CERS3: variants seen among roughly 807,000 people sequenced by gnomAD.
The protein encoded by CERS3 is LAG1 homolog, ceramide synthase 3.
CERS3 carries 33 observed loss-of-function variants against 50.3 expected under a neutral mutation model. That is an observed-to-expected ratio of 0.66 (90% CI 0.50 to 0.88). CERS3 has a LOEUF of 0.88. CERS3 is among the 40% of genes least tolerant of loss of function. The pLI is 0.00. For synonymous variants in CERS3, 176 were observed against 155.2 expected (o/e 1.13, Z -0.99); for missense variants, 470 against 460.3 (o/e 1.02, Z -0.19).
intron 4 of CERS3, 76 bp downstream of exon 4, chr15:100,490,741 C>G: frequency 1.2e-6 from 1 of 858,740 alleles, no homozygotes; most frequent in South Asian, 1.5e-5. Flanking sequence ...TTCTTGCACA[C>G]ACAAGGTAAG....
intron 11 of CERS3, among the ~76,000 whole-genome samples, chr15:100,415,750 C>T (rs1040974578): frequency 6.6e-6 from 1 of 151,720 alleles, no homozygotes; most frequent in Non-Finnish European, 1.5e-5. Context: ...TGAGAACACA[C>T]GGACATAGGG....
chr15:100,413,205 C>T (rs1190414068), intron 11 of CERS3, among the ~76,000 whole-genome samples: 1 of 152,090 alleles, frequency 6.6e-6, no homozygotes, highest in African/African-American at 2.4e-5. Flanking sequence ...AACAGCTTTA[C>T]ATTCACAGCT....
intron 3 of CERS3, among the ~76,000 whole-genome samples, chr15:100,500,026 A>G (rs2035951082): frequency 6.6e-6 from 1 of 152,244 alleles, no homozygotes; most frequent in South Asian, 2.1e-4. Context: ...ATAAACTCCT[A>G]TTCAAATATA....
At chr15:100,414,560 G>A (rs745324410) in intron 11 of CERS3, among the ~76,000 whole-genome samples, 9 of 152,056 alleles carry the variant, frequency 5.9e-5, no homozygotes, top group Non-Finnish European at 5.9e-5. Flanking sequence ...AAAACAGCAC[G>A]GTACTGGTAC....
intron 11 of CERS3, among the ~76,000 whole-genome samples, chr15:100,443,579 C>A (rs1020187908): frequency 6.7e-6 from 1 of 149,470 alleles, no homozygotes; most frequent in East Asian, 2.0e-4. Context: ...CCCTTCATCC[C>A]AGCCTCTTTT....
At chr15:100,426,823 T>C (rs1332606623) in intron 11 of CERS3, among the ~76,000 whole-genome samples, 1 of 152,180 alleles carries the variant, frequency 6.6e-6, no homozygotes, top group Non-Finnish European at 1.5e-5. Flanking sequence ...TCTCTGGCCT[T>C]CCATAATTTA....
chr15:100,500,351 G>C (rs1962713), intron 3 of CERS3: 84,068 of 152,034 alleles, frequency 0.55, 24,260 homozygotes, highest in Admixed American at 0.62. Flanking sequence ...AGAGAGGGTT[G>C]GATTCCTTCC....
At chr15:100,513,247 G>C in intron 2 of CERS3, among the ~76,000 whole-genome samples, 1 of 151,838 alleles carries the variant, frequency 6.6e-6, no homozygotes. Context: ...AAATGCTCCA[G>C]GCGGCTACTG....
intron 3 of CERS3, among the ~76,000 whole-genome samples, chr15:100,501,415 G>A (rs1024297538): frequency 4.6e-5 from 7 of 152,292 alleles, no homozygotes; most frequent in Admixed American, 2.0e-4. Flanking sequence ...TCTGTGGTCC[G>A]CAACCTCTCT....
At chr15:100,512,024 T>C (rs60699848) in intron 2 of CERS3, among the ~76,000 whole-genome samples, 18 of 72,500 alleles carry the variant, frequency 2.5e-4, no homozygotes, top group African/African-American at 6.9e-4. Context: ...GGAGCCTGGG[T>C]TTCCATTAAT....
Position 100,455,942 on chromosome 15 carries a change from T to C in CERS3, c.950A>G (p.Tyr317Cys), listed in dbSNP as rs1030897658. ...CATCTTCAAGATGTAATAACCCCAG[T>C]AAAGGTGAAGGACCTGCAAGATCAT... ...QLMILQVLHLYWGYYILKMLN... is the reference protein window; with the variant it reads ...QLMILQVLHLCWGYYILKMLN... The change falls in exon 11 of 12, where the codon TAC (tyrosine) becomes TGC (cysteine). Residue 317 changes from tyrosine (Y) to cysteine (C), a missense_variant. Coordinates refer to ENST00000679737, the MANE Select transcript of CERS3 (RefSeq NM_001378789.1). 1 of 1,613,274 alleles carries C rather than the reference T, an allele frequency of 6.2e-7. No individual in the cohort carries two copies. Among genetic ancestry groups the C allele is most frequent in the Middle Eastern group, 1.7e-4 (1 of 6,054 alleles).
intron 11 of CERS3, among the ~76,000 whole-genome samples, chr15:100,443,694 A>C (rs1219574895): frequency 7.1e-6 from 1 of 141,616 alleles, no homozygotes; most frequent in Non-Finnish European, 1.6e-5. Context: ...AGTCAAGCCC[A>C]AATTTCTTCC....
chr15:100,499,554 T>C (rs568444882), intron 3 of CERS3, among the ~76,000 whole-genome samples: 69 of 152,320 alleles, frequency 4.5e-4, no homozygotes, highest in African/African-American at 1.4e-3. Context: ...AGTTCTTGGC[T>C]AGTACTAAAG....
chr15:100,460,772 G>A (rs1320664024), intron 10 of CERS3, among the ~76,000 whole-genome samples: 3 of 152,148 alleles, frequency 2.0e-5, no homozygotes, highest in African/African-American at 7.2e-5. Flanking sequence ...ATTTGTCAGT[G>A]TTATTATTGA....
At chr15:100,423,203 A>G (rs1004989535) in intron 11 of CERS3, among the ~76,000 whole-genome samples, 1 of 152,182 alleles carries the variant, frequency 6.6e-6, no homozygotes, top group African/African-American at 2.4e-5. Flanking sequence ...TGTGGAAAGC[A>G]TTTTGGAGAT....
chr15:100,434,730 G>T (rs905519483), intron 11 of CERS3, among the ~76,000 whole-genome samples: 2 of 152,096 alleles, frequency 1.3e-5, no homozygotes, highest in African/African-American at 4.8e-5. Flanking sequence ...CTCATATCCT[G>T]CTGTGAATGT....
At chr15:100,423,329 C>T (rs1220977242) in intron 11 of CERS3, among the ~76,000 whole-genome samples, 1 of 152,136 alleles carries the variant, frequency 6.6e-6, no homozygotes, top group Admixed American at 6.5e-5. Flanking sequence ...ATATGTTCAT[C>T]ATAGCACTAT....
At chr15:100,519,513 A>G (rs892233342) in intron 2 of CERS3, among the ~76,000 whole-genome samples, 1 of 152,332 alleles carries the variant, frequency 6.6e-6, no homozygotes, top group East Asian at 1.9e-4. Flanking sequence ...CATACGAAAG[A>G]CACTAAACCT....
rs753752401 is a variant in CERS3, at chr15:100,402,871, C to G, written c.1000-6G>C. On this transcript the variant is annotated splice_polypyrimidine_tract_variant and splice_region_variant and intron_variant, in intron 11 of 11. Transcript: ENST00000679737. ...CTCCTCACATCCTGGATGCTCTAGA[C>G]AAAGGAAAGAATTGGCTGTGAGTGA... 1.9e-4 allele frequency: 299 copies of G among 1,581,044 alleles called. No individual in the cohort carries two copies. The highest frequency in any genetic ancestry group is 2.4e-4 in the Non-Finnish European group (279 of 1,161,806).
Sources: allele counts gnomAD v4.1 joint callset (sites outside exome capture counted in the v4.1 genomes callset), GRCh38; gene constraint gnomAD v4.1.1; transcripts MANE v1.5; gene names NCBI Gene and HGNC (gene_info 2026-07-23, HGNC 2026-07-21).